The following OR11A1 variants were observed in gnomAD, a reference collection of about 807,000 sequenced individuals.
OR11A1 encodes olfactory receptor family 11 subfamily A member 1, also known as olfactory receptor 11A1.
For missense variants in OR11A1, 380 were observed against 378.2 expected (o/e 1.00, Z -0.04); for synonymous variants, 158 against 152.2 (o/e 1.04, Z -0.28).
At chr6:29,433,991 G>A (rs1268041747) in intron 1 of OR11A1, among the ~76,000 whole-genome samples, 1 of 151,958 alleles carries the variant, frequency 6.6e-6, no homozygotes, top group Non-Finnish European at 1.5e-5. Context: ...GTCTATTCAG[G>A]TGCTTAGCTC....
Position 29,440,427 on chromosome 6 carries a change from C to T in OR11A1, c.-388-8440G>A, listed in dbSNP as rs17177646. 8.4e-3 allele frequency: 13,481 copies of T among 1,613,976 alleles called. 240 individuals are homozygous for T. The highest frequency in any genetic ancestry group is 0.072 in the African/African-American group (5,386 of 75,012). On this transcript the variant is annotated intron_variant, in intron 1 of 4. Coordinates refer to ENST00000377149, the MANE Select transcript of OR11A1 (RefSeq NM_001394828.1). ...CCGCTACCCACTGCTGCTGAGCCAC[C>T]GGGTGTGTCTACAGCTAGCTGGGTC...
chr6:29,434,850 T>C (rs938678646), intron 1 of OR11A1, among the ~76,000 whole-genome samples: 3 of 152,208 alleles, frequency 2.0e-5, no homozygotes, highest in Non-Finnish European at 4.4e-5. Flanking sequence ...TATATTAGCA[T>C]GAAAAATACA....
chr6:29,447,556 C>A (rs941285185), intron 1 of OR11A1, among the ~76,000 whole-genome samples: 1 of 152,166 alleles, frequency 6.6e-6, no homozygotes, highest in East Asian at 1.9e-4. Flanking sequence ...CTTGCACTAG[C>A]ATGGGTCTGG....
chr6:29,451,235 A>G (rs1161438065), intron 1 of OR11A1, among the ~76,000 whole-genome samples: 12 of 152,232 alleles, frequency 7.9e-5, no homozygotes. Flanking sequence ...GTAAAACCTA[A>G]AACTATAAAA....
At position 29,426,261 on chromosome 6, in the gene OR11A1, C is replaced by T. The variant is rs1392540026; in HGVS notation, c.*433G>A. 4 of 159,844 alleles carry T rather than the reference C, an allele frequency of 2.5e-5. No homozygotes were observed. Among genetic ancestry groups the T allele is most frequent in the South Asian group, 2.0e-4 (1 of 4,894 alleles). The allele number at this position is 159,844 out of a possible 1,614,324, so 9.9% of individuals were successfully genotyped here. A position where few individuals can be genotyped will look rare whatever the true frequency, so the allele number is the denominator to read the frequency against. ...GATGGAATTGGAGGCTACTATCCTT[C>T]GCAAACTAACACAGGAACAGAAAAT... On this transcript the variant is annotated 3_prime_UTR_variant, in exon 5 of 5. Coordinates refer to ENST00000377149, the MANE Select transcript of OR11A1 (RefSeq NM_001394828.1).
intron 1 of OR11A1, among the ~76,000 whole-genome samples, chr6:29,437,133 T>C (rs1467826209): frequency 6.6e-6 from 1 of 152,232 alleles, no homozygotes; most frequent in African/African-American, 2.4e-5. Context: ...AGTGTGGCGA[T>C]TCCTCAGGGA....
At chr6:29,442,137 G>A (rs1036150211) in intron 1 of OR11A1, among the ~76,000 whole-genome samples, 2 of 152,208 alleles carry the variant, frequency 1.3e-5, no homozygotes, top group African/African-American at 4.8e-5. Flanking sequence ...CTCACATGGG[G>A]TGACTTTGCT....
intron 1 of OR11A1, chr6:29,440,740 C>G: frequency 6.2e-7 from 1 of 1,613,954 alleles, no homozygotes; most frequent in Non-Finnish European, 8.5e-7. Flanking sequence ...ACCTGCTCCT[C>G]CCACCTGATC....
intron 1 of OR11A1, among the ~76,000 whole-genome samples, chr6:29,449,326 CT>C (rs1174609690): frequency 1.3e-5 from 2 of 152,136 alleles, no homozygotes; most frequent in Non-Finnish European, 2.9e-5. Context: ...TCTCTACTCT[CT>C]GTTCAGTTTT....
chr6:29,430,224 C>T (rs1440672383), intron 3 of OR11A1, 77 bp downstream of exon 3: 7 of 904,330 alleles, frequency 7.7e-6, no homozygotes, highest in Non-Finnish European at 9.3e-6. Flanking sequence ...GAGAAGAATG[C>T]TGTTCTTCAT....
intron 1 of OR11A1, among the ~76,000 whole-genome samples, chr6:29,436,192 C>T (rs1259683333): frequency 6.6e-6 from 1 of 152,210 alleles, no homozygotes; most frequent in Non-Finnish European, 1.5e-5. Flanking sequence ...CCACCTGATG[C>T]TGAGCAAGGA....
chr6:29,431,800 C>A (rs1446120742), intron 2 of OR11A1, 64 bp downstream of exon 2: 4 of 916,280 alleles, frequency 4.4e-6, no homozygotes, highest in Non-Finnish European at 5.2e-6. Context: ...TAAAAACCAG[C>A]CATTTAACTT....
chr6:29,448,735 C>T (rs1785034264), intron 1 of OR11A1, among the ~76,000 whole-genome samples: 1 of 152,168 alleles, frequency 6.6e-6, no homozygotes, highest in Non-Finnish European at 1.5e-5. Flanking sequence ...ACACTTTGAC[C>T]TCTGGTGTCC....
At chr6:29,441,107 G>A in intron 1 of OR11A1, 1 of 600,272 alleles carries the variant, frequency 1.7e-6, no homozygotes, top group Non-Finnish European at 2.9e-6. Flanking sequence ...GTAGTCAAAT[G>A]CGCTCCTCAG....
At chr6:29,454,785 C>T (rs552213285) in intron 1 of OR11A1, among the ~76,000 whole-genome samples, 1 of 152,114 alleles carries the variant, frequency 6.6e-6, no homozygotes, top group South Asian at 2.1e-4. Context: ...CACAAAGACA[C>T]CAAGATAATT....
chr6:29,427,661 G>T lies in OR11A1; in HGVS notation c.-20C>A, dbSNP rs1435051772. 7 of 1,588,308 alleles carry T rather than the reference G, an allele frequency of 4.4e-6. No individual in the cohort carries two copies. The Admixed American group carries it at 1.2e-4, about 27-fold the overall frequency. ...TTCCATGTCGATCGTCCAAGTTTCT[G>T]CTTGGCAATAATTGGGGGAGAAATT... On this transcript the variant is annotated 5_prime_UTR_variant, in exon 5 of 5. Transcript: ENST00000377149.
chr6:29,456,231 A>G (rs1386706665), intron 1 of OR11A1, among the ~76,000 whole-genome samples: 1 of 150,662 alleles, frequency 6.6e-6, no homozygotes, highest in Admixed American at 6.6e-5. Context: ...CTCAGTCTAA[A>G]AAAAAAAAAA....
chr6:29,425,994 T>C lies in OR11A1; in HGVS notation c.*700A>G, dbSNP rs1384072646. On this transcript the variant is annotated 3_prime_UTR_variant, in exon 5 of 5. Coordinates refer to ENST00000377149, the MANE Select transcript of OR11A1 (RefSeq NM_001394828.1). ...AGAAGAATAAAGAAATAGATGCTTG[T>C]TAATAGAAAAAGTTGTTCGTGACAC... 6.6e-6 allele frequency: 1 copy of C among 152,118 alleles called. No homozygotes were observed. Among genetic ancestry groups the C allele is most frequent in the Non-Finnish European group, 1.5e-5 (1 of 68,002 alleles). The allele number at this position is 152,118 out of a possible 1,614,324, so 9.4% of individuals were successfully genotyped here.
intron 2 of OR11A1, among the ~76,000 whole-genome samples, chr6:29,430,668 A>C (rs891966165): frequency 1.3e-5 from 2 of 152,144 alleles, no homozygotes; most frequent in African/African-American, 4.8e-5. Flanking sequence ...TGGAAAGGTG[A>C]GGTGGGAAGG....
Sources: allele counts gnomAD v4.1 joint callset (sites outside exome capture counted in the v4.1 genomes callset), GRCh38; gene constraint gnomAD v4.1.1; transcripts MANE v1.5; gene names NCBI Gene and HGNC (gene_info 2026-07-23, HGNC 2026-07-21).